The following RPS6KC1 variants were observed in gnomAD, a reference collection of about 807,000 sequenced individuals.
RPS6KC1 encodes the protein inactive ribosomal protein S6 kinase delta-1.
A neutral mutation model predicts 103.8 loss-of-function variants in RPS6KC1; 54 were observed. The observed-to-expected ratio is 0.52, with a 90% CI of 0.42 to 0.65. The LOEUF is 0.65. Among genes scored for constraint, RPS6KC1 ranks in the 30% least tolerant of loss-of-function variants. RPS6KC1 has a pLI of 0.00. For synonymous variants in RPS6KC1, 439 were observed against 438.7 expected (o/e 1.00, Z -0.01); for missense variants, 1,151 against 1,253.8 (o/e 0.92, Z 1.24).
the RPS6KC1 span, among the ~76,000 whole-genome samples, chr1:213,340,625 C>T: frequency 6.6e-6 from 1 of 152,230 alleles, no homozygotes; most frequent in African/African-American, 2.4e-5. Context: ...TAACAGCATA[C>T]TTATGTTTTT....
At chr1:213,174,621 G>T (rs1464987560) in intron 7 of RPS6KC1, among the ~76,000 whole-genome samples, 3 of 135,638 alleles carry the variant, frequency 2.2e-5, no homozygotes, top group Non-Finnish European at 4.5e-5. Flanking sequence ...AGTGAGCCAA[G>T]ATTGAGCCGC....
At chr1:213,307,290 A>G in the RPS6KC1 span, among the ~76,000 whole-genome samples, 37 of 151,954 alleles carry the variant, frequency 2.4e-4, no homozygotes, top group African/African-American at 7.7e-4. Context: ...TGACCTGATG[A>G]TCCGCCCGCC....
intron 8 of RPS6KC1, among the ~76,000 whole-genome samples, chr1:213,200,901 C>G (rs1411589586): frequency 6.6e-6 from 1 of 152,056 alleles, no homozygotes; most frequent in Admixed American, 6.6e-5. Flanking sequence ...TTCCTACTTA[C>G]AAGTGGGAGC....
the RPS6KC1 span, among the ~76,000 whole-genome samples, chr1:213,782,741 G>C: frequency 6.6e-6 from 1 of 152,166 alleles, no homozygotes; most frequent in Non-Finnish European, 1.5e-5. Context: ...GTCATTTCAT[G>C]AAAGTCAAAT....
At chr1:213,596,734 T>A in the RPS6KC1 span, among the ~76,000 whole-genome samples, 16 of 152,386 alleles carry the variant, frequency 1.0e-4, no homozygotes, top group African/African-American at 3.8e-4. Context: ...TCCTCTCATT[T>A]GGCTTTATAA....
At chr1:213,266,797 G>A (rs2094921248) in intron 14 of RPS6KC1, among the ~76,000 whole-genome samples, 1 of 151,874 alleles carries the variant, frequency 6.6e-6, no homozygotes, top group South Asian at 2.1e-4. Flanking sequence ...CAGGTACTTG[G>A]GAGGCTGAGA....
At chr1:213,179,791 G>C (rs60147631) in intron 8 of RPS6KC1, among the ~76,000 whole-genome samples, 6 of 152,156 alleles carry the variant, frequency 3.9e-5, no homozygotes, top group African/African-American at 1.4e-4. Flanking sequence ...TGTAAGCTCT[G>C]TGAAAACAAA....
chr1:213,059,430 TAGG>T (rs1324888764), intron 1 of RPS6KC1, among the ~76,000 whole-genome samples: 1 of 152,222 alleles, frequency 6.6e-6, no homozygotes. Flanking sequence ...TTCTTGATGT[TAGG>T]AGGAAAGCAT....
At chr1:213,861,435 G>A in the RPS6KC1 span, among the ~76,000 whole-genome samples, 29 of 152,238 alleles carry the variant, frequency 1.9e-4, no homozygotes, top group African/African-American at 6.5e-4. Context: ...CAATAACAGC[G>A]TGGACGTGGA....
chr1:213,709,349 T>C, the RPS6KC1 span, among the ~76,000 whole-genome samples: 1 of 152,248 alleles, frequency 6.6e-6, no homozygotes, highest in Non-Finnish European at 1.5e-5. Context: ...GAGGTGTTTA[T>C]AGTATTCTCT....
At chr1:213,233,152 G>A (rs1196978393) in intron 10 of RPS6KC1, among the ~76,000 whole-genome samples, 1 of 152,052 alleles carries the variant, frequency 6.6e-6, no homozygotes, top group Non-Finnish European at 1.5e-5. Context: ...TTTGATGGGG[G>A]CAGTAAACAA....
chr1:213,483,305 G>A, the RPS6KC1 span, among the ~76,000 whole-genome samples: 1 of 152,254 alleles, frequency 6.6e-6, no homozygotes, highest in South Asian at 2.1e-4. Context: ...GGGATTATGG[G>A]AACTACAATT....
At chr1:213,664,788 A>G in the RPS6KC1 span, among the ~76,000 whole-genome samples, 86 of 152,332 alleles carry the variant, frequency 5.6e-4, no homozygotes, top group African/African-American at 2.0e-3. Flanking sequence ...ATGGTGTTGA[A>G]TAAATATATT....
chr1:213,814,441 G>T, the RPS6KC1 span, among the ~76,000 whole-genome samples: 2 of 152,218 alleles, frequency 1.3e-5, no homozygotes, highest in East Asian at 3.9e-4. Flanking sequence ...ATAGCAAGGA[G>T]AGTTAGAATC....
At chr1:213,327,236 A>AAAAGAAAGAAAGAAAGAAAGAAAGAAAG in the RPS6KC1 span, among the ~76,000 whole-genome samples, 174 of 144,672 alleles carry the variant, frequency 1.2e-3, 1 homozygote, top group African/African-American at 1.9e-3. Flanking sequence ...GAAAGAAAAG[A>AAAAGAAAGAAAGAAAGAAAGAAAGAAAG]AAAGAAAGAA....
At chr1:213,255,515 G>T (rs568004816) in intron 12 of RPS6KC1, among the ~76,000 whole-genome samples, 2 of 152,042 alleles carry the variant, frequency 1.3e-5, no homozygotes, top group Non-Finnish European at 2.9e-5. Context: ...GATGTTTATA[G>T]TAACTATCGT....
At chr1:213,739,455 T>G in the RPS6KC1 span, among the ~76,000 whole-genome samples, 2 of 152,094 alleles carry the variant, frequency 1.3e-5, no homozygotes, top group South Asian at 4.1e-4. Flanking sequence ...CCCTACGTTG[T>G]TCAAGGGTCA....
chr1:213,213,869 G>C (rs2093584373), intron 8 of RPS6KC1, among the ~76,000 whole-genome samples: 1 of 152,144 alleles, frequency 6.6e-6, no homozygotes, highest in South Asian at 2.1e-4. Context: ...GACAAACTAT[G>C]ATTTTTAAAA....
chr1:213,671,638 G>C, the RPS6KC1 span, among the ~76,000 whole-genome samples: 2 of 152,178 alleles, frequency 1.3e-5, no homozygotes, highest in Non-Finnish European at 2.9e-5. Context: ...ACAAAAGTTA[G>C]CTGGGCATGG....
Sources: allele counts gnomAD v4.1 joint callset (sites outside exome capture counted in the v4.1 genomes callset), GRCh38; gene constraint gnomAD v4.1.1; transcripts MANE v1.5; gene names NCBI Gene and HGNC (gene_info 2026-07-23, HGNC 2026-07-21).